The following PRKACB variants were observed in gnomAD, a reference collection of about 807,000 sequenced individuals.
The protein encoded by PRKACB is cAMP-dependent protein kinase catalytic subunit beta.
PRKACB carries 16 observed loss-of-function variants against 51.4 expected under a neutral mutation model. The observed-to-expected ratio is 0.31, with a 90% CI of 0.21 to 0.47. The LOEUF (loss-of-function observed/expected upper bound fraction) is 0.47. PRKACB is among the 20% of genes least tolerant of loss of function. The pLI is 1.00. For synonymous variants in PRKACB, 147 were observed against 154.4 expected (o/e 0.95, Z 0.35); for missense variants, 309 against 464.5 (o/e 0.67, Z 3.08).
intron 9 of PRKACB, among the ~76,000 whole-genome samples, chr1:84,217,609 A>G (rs1054965009): frequency 6.6e-5 from 10 of 152,204 alleles, no homozygotes; most frequent in East Asian, 1.9e-4. Flanking sequence ...GATGGGCAAC[A>G]TAGTGAGACA....
chr1:84,234,473 C>T (rs1676365879), intron 9 of PRKACB, among the ~76,000 whole-genome samples: 1 of 152,228 alleles, frequency 6.6e-6, no homozygotes, highest in African/African-American at 2.4e-5. Context: ...CTTTGTTTAC[C>T]TAAGCAAGCC....
Position 84,152,198 on chromosome 1 carries a change from C to G in PRKACB, c.187+7650C>G, listed in dbSNP as rs193274637. Among the ~76,000 whole-genome samples the G allele has an allele frequency of 3.9e-5, 6 of 152,216 alleles. No individual in the cohort carries two copies. The East Asian group carries it at 1.2e-3, about 29-fold the overall frequency. The stretch of plus-strand genomic sequence containing the variant: ...AAAAGGAATCTTTTTCTGAGTGGTT[C>G]CCAATGGTGGGCTTAAAATAGTAAA... On this transcript the variant is annotated intron_variant, in intron 1 of 9. Transcript: ENST00000370685.
chr1:84,149,197 G>T (rs1396164240), intron 1 of PRKACB, among the ~76,000 whole-genome samples: 1 of 151,926 alleles, frequency 6.6e-6, no homozygotes, highest in African/African-American at 2.4e-5. Flanking sequence ...CTGCCAAAAG[G>T]TAATGACTGT....
rs564066783 is a variant in PRKACB, at chr1:84,208,363, G to A, written c.906+5558G>A. Among the ~76,000 whole-genome samples, 9 of 152,292 alleles carry A rather than the reference G, an allele frequency of 5.9e-5. No individual in the cohort carries two copies. The South Asian group carries it at 6.2e-4, about 11-fold the overall frequency. ...CAATTCAGAGTGAATTTTATAGTTC[G>A]TTTAACATATTACATAATGTAATTT... is the stretch of plus-strand genomic sequence containing the variant. On this transcript the variant is annotated intron_variant, in intron 8 of 9. Transcript: ENST00000370685.
chr1:84,130,049 A>G (rs1652015609), intron 1 of PRKACB, among the ~76,000 whole-genome samples: 1 of 151,920 alleles, frequency 6.6e-6, no homozygotes, highest in African/African-American at 2.4e-5. Context: ...AAATACAAAC[A>G]ATTAGCTGGG....
chr1:84,199,374 G>A (rs1669389428), intron 7 of PRKACB, among the ~76,000 whole-genome samples: 1 of 151,802 alleles, frequency 6.6e-6, no homozygotes, highest in African/African-American at 2.4e-5. Context: ...TCATCATTTA[G>A]CTCCCACTTA....
chr1:84,177,982 AC>A (rs1661923762), intron 1 of PRKACB, among the ~76,000 whole-genome samples: 1 of 152,066 alleles, frequency 6.6e-6, no homozygotes, highest in Non-Finnish European at 1.5e-5. Flanking sequence ...TATAGAAAGT[AC>A]TAAAATAATG....
chr1:84,084,169 A>C (rs1422479880), intron 1 of PRKACB, among the ~76,000 whole-genome samples: 3 of 152,190 alleles, frequency 2.0e-5, no homozygotes, highest in Non-Finnish European at 4.4e-5. Context: ...GAAAATGATA[A>C]ATGTTCATCA....
intron 1 of PRKACB, among the ~76,000 whole-genome samples, chr1:84,167,862 G>T (rs1658035172): frequency 6.6e-6 from 1 of 151,400 alleles, no homozygotes; most frequent in Admixed American, 6.6e-5. Flanking sequence ...CATATAAAAT[G>T]CTTAAGAAAC....
intron 1 of PRKACB, among the ~76,000 whole-genome samples, chr1:84,092,206 A>C (rs186872402): frequency 6.6e-5 from 10 of 152,228 alleles, no homozygotes; most frequent in Non-Finnish European, 1.5e-4. Context: ...ATAGAATATT[A>C]CTGAAACCCC....
intron 9 of PRKACB, among the ~76,000 whole-genome samples, chr1:84,234,848 G>C (rs967078047): frequency 1.3e-5 from 2 of 152,208 alleles, no homozygotes; most frequent in Non-Finnish European, 2.9e-5. Flanking sequence ...TGGTACCTCA[G>C]ATGGAAATGC....
chr1:84,105,265 C>G (rs1649643433), intron 1 of PRKACB, among the ~76,000 whole-genome samples: 1 of 152,134 alleles, frequency 6.6e-6, no homozygotes, highest in Non-Finnish European at 1.5e-5. Flanking sequence ...GCGGTCACTC[C>G]TCTCTTCTGG....
At chr1:84,078,832 C>T (rs1399827394) in intron 1 of PRKACB, among the ~76,000 whole-genome samples, 3 of 152,200 alleles carry the variant, frequency 2.0e-5, no homozygotes, top group Non-Finnish European at 4.4e-5. Flanking sequence ...GCTAGTCTGG[C>T]TCTACGCAAG....
At chr1:84,172,113 G>A (rs897925085) in intron 1 of PRKACB, among the ~76,000 whole-genome samples, 1 of 151,552 alleles carries the variant, frequency 6.6e-6, no homozygotes, top group African/African-American at 2.4e-5. Flanking sequence ...AGGATATAGA[G>A]CATCAAGGAT....
chr1:84,137,045 G>A (rs766837522), intron 1 of PRKACB, among the ~76,000 whole-genome samples: 3 of 152,062 alleles, frequency 2.0e-5, no homozygotes, highest in Non-Finnish European at 4.4e-5. Context: ...TGTGAAGAAG[G>A]TGCCTTGGTT....
chr1:84,235,276 A>G lies in PRKACB; in HGVS notation c.1168A>G (p.Lys390Glu), dbSNP rs1310879235. Residue 390 changes from lysine (K) to glutamate (E), a missense_variant, in exon 10 of 10, where the codon AAA becomes GAA. Around this residue, in one of 3 missense-constraint regions of PRKACB, gnomAD observed 96 missense variants for 129.9 expected, o/e 0.74. Transcript: ENST00000370685. Reference sequence around the variant, plus strand: ...AGATATCCGTGTCTCTATAACAGAAAAATGTGCAAAAGAATTTGGTGAATT... The same window carrying G: ...AGATATCCGTGTCTCTATAACAGAAGAATGTGCAAAAGAATTTGGTGAATT... ...EEDIRVSITE[K>E]CAKEFGEF is the part of the protein sequence containing the mutation. The G allele has an allele frequency of 6.2e-7, 1 of 1,614,012 alleles. No individual in the cohort carries two copies. Among genetic ancestry groups the G allele is most frequent in the African/African-American group, 1.3e-5 (1 of 74,924 alleles).
chr1:84,210,206 T>G (rs114563110), intron 8 of PRKACB, among the ~76,000 whole-genome samples: 1,714 of 152,274 alleles, frequency 0.011, 41 homozygotes, highest in African/African-American at 0.039. Flanking sequence ...AAATCAGAAG[T>G]AATATGGTCT....
At chr1:84,145,165 C>T (rs1653879915) in intron 1 of PRKACB, among the ~76,000 whole-genome samples, 1 of 152,082 alleles carries the variant, frequency 6.6e-6, no homozygotes, top group African/African-American at 2.4e-5. Context: ...GCATGAATCA[C>T]ATTCTTTCAG....
At chr1:84,108,283 T>C (rs1649945942) in intron 1 of PRKACB, among the ~76,000 whole-genome samples, 1 of 150,718 alleles carries the variant, frequency 6.6e-6, no homozygotes, top group Non-Finnish European at 1.5e-5. Flanking sequence ...TGAAAACACA[T>C]GGACAGAAAG....
Sources: gnomAD v4.1 joint callset for allele counts (sites outside exome capture counted in the v4.1 genomes callset) on GRCh38, gnomAD v4.1.1 for gene constraint, gnomAD v4.1.1 regional missense constraint, MANE v1.5 for transcripts, NCBI Gene and HGNC (gene_info 2026-07-23, HGNC 2026-07-21) for gene names.